TTLL9: variants seen among roughly 807,000 people sequenced by gnomAD.
TTLL9 encodes the protein probable tubulin polyglutamylase TTLL9.
In TTLL9, 47 loss-of-function variants were observed where a neutral mutation model predicts 65.6. That is an observed-to-expected ratio of 0.72 (90% CI 0.57 to 0.91). TTLL9 has a LOEUF of 0.91. TTLL9 is among the 40% of genes least tolerant of loss of function. The pLI is 0.00. For missense variants in TTLL9, 537 were observed against 568.8 expected, an observed-to-expected ratio of 0.94 and a Z score of 0.57; for synonymous variants, 179 against 204.8, an observed-to-expected ratio of 0.87 and a Z score of 1.07.
chr20:31,887,387 T>TGGTAAGTGCTCA, intron 3 of TTLL9, 148 bp downstream of exon 3: 1 of 918,778 alleles, frequency 1.1e-6, no homozygotes, highest in Non-Finnish European at 1.7e-6. Flanking sequence ...ATTGAGCACT[T>TGGTAAGTGCTCA]ACCATGTGCC....
At chr20:31,903,716 T>C (rs1385823422) in intron 4 of TTLL9, among the ~76,000 whole-genome samples, 3 of 152,270 alleles carry the variant, frequency 2.0e-5, no homozygotes, top group Non-Finnish European at 4.4e-5. Context: ...GAAATAACTT[T>C]AGACCTACAG....
chr20:31,939,463 T>C lies in TTLL9; in HGVS notation c.1243+197T>C, dbSNP rs146805059. ...GTTTCTAAAAAGTGAAAACTTTCCCTGATTATAAAAAAGGGATTCACACTC... is the reference window on the plus strand; with the variant it reads ...GTTTCTAAAAAGTGAAAACTTTCCCCGATTATAAAAAAGGGATTCACACTC... On this transcript the variant is annotated intron_variant, in intron 14 of 14. Transcript: ENST00000535842. 1,103 of 513,018 alleles carry C rather than the reference T, an allele frequency of 2.2e-3. 12 individuals are homozygous for C. Among genetic ancestry groups the C allele is most frequent in the African/African-American group, 0.02 (995 of 49,892 alleles). 31.8% of individuals were successfully genotyped at this position (513,018 alleles called of 1,614,324 possible). A position where few individuals can be genotyped will look rare whatever the true frequency, so the allele number is the denominator to read the frequency against.
chr20:31,875,139 G>A (rs2063019812), intron 2 of TTLL9, among the ~76,000 whole-genome samples: 1 of 152,140 alleles, frequency 6.6e-6, no homozygotes, highest in African/African-American at 2.4e-5. Flanking sequence ...TGGCACACAA[G>A]GAGGCCTTGT....
chr20:31,890,264 T>A (rs1188775086), intron 3 of TTLL9, among the ~76,000 whole-genome samples: 1 of 150,756 alleles, frequency 6.6e-6, no homozygotes, highest in Non-Finnish European at 1.5e-5. Context: ...AGTCTTATGT[T>A]TCTATCTTAT....
intron 11 of TTLL9, 82 bp downstream of exon 11, chr20:31,933,940 C>A: frequency 7.1e-7 from 1 of 1,400,438 alleles, no homozygotes. Flanking sequence ...GGCAAGGAGC[C>A]CAGGACAGGC....
Position 31,887,205 on chromosome 20 carries a change from T to C in TTLL9, c.79T>C (p.Tyr27His). The change falls in exon 3 of 15, where the codon TAC (tyrosine) becomes CAC (histidine). Residue 27 changes from tyrosine to histidine, a missense_variant. By Grantham distance (83) the Tyr-to-His change is moderately conservative. Coordinates refer to ENST00000535842, the MANE Select transcript of TTLL9 (RefSeq NM_001008409.5). ...CCTTTCCTCATTGCAGAACCAAAAT[T>C]ACAAGGGCCATGGATTGTCAAAGGG... ...RCPKKLQNQN[Y>H]KGHGLSKGKE... is the part of the protein sequence containing the mutation. 6.2e-7 allele frequency: 1 copy of C among 1,614,132 alleles called. No homozygotes were observed.
intron 10 of TTLL9, among the ~76,000 whole-genome samples, chr20:31,932,329 G>A (rs554104245): frequency 2.0e-5 from 3 of 152,022 alleles, no homozygotes; most frequent in African/African-American, 2.4e-5. Context: ...AAAACTAGCC[G>A]GGCATGATGG....
intron 2 of TTLL9, among the ~76,000 whole-genome samples, chr20:31,871,696 T>A (rs1294852365): frequency 3.3e-5 from 5 of 152,140 alleles, no homozygotes; most frequent in African/African-American, 1.2e-4. Flanking sequence ...AGAGTTCTCA[T>A]AAATACCAAA....
At chr20:31,874,690 G>A (rs1053476111) in intron 2 of TTLL9, among the ~76,000 whole-genome samples, 3 of 152,128 alleles carry the variant, frequency 2.0e-5, no homozygotes, top group East Asian at 1.9e-4. Context: ...GATTACAGGC[G>A]TGAGCCACCG....
intron 10 of TTLL9, among the ~76,000 whole-genome samples, chr20:31,928,463 C>T (rs11906212): frequency 0.073 from 11,044 of 151,430 alleles, 422 homozygotes; most frequent in Middle Eastern, 0.21. Flanking sequence ...AATTTTGGAT[C>T]ACAAAATAAT....
At chr20:31,883,580 G>A (rs1039399946) in intron 2 of TTLL9, among the ~76,000 whole-genome samples, 2 of 152,088 alleles carry the variant, frequency 1.3e-5, no homozygotes, top group Non-Finnish European at 2.9e-5. Context: ...GTTCTTGGGG[G>A]CCCAGGCAGA....
rs900564955 is a variant in TTLL9 at position 31,939,176 on chromosome 20, G to T, written c.1153G>T (p.Asp385Tyr). 1.2e-6 allele frequency: 2 copies of T among 1,608,818 alleles called. No homozygotes were observed. Among genetic ancestry groups the T allele is most frequent in the Non-Finnish European group, 8.5e-7 (1 of 1,177,634 alleles). The part of the protein sequence containing the change: ...TGREKRVGGF[D>Y]LMWNDGPVSR... ...AAGGGAGAAGCGAGTCGGGGGCTTT[G>T]ACCTCATGTGGAATGATGGCCCTGT... is the stretch of plus-strand genomic sequence containing the variant. The change falls in exon 14 of 15, where the codon GAC becomes TAC. Residue 385 changes from aspartate (D) to tyrosine (Y), a missense_variant. Around this residue, in one of 3 missense-constraint regions of TTLL9, gnomAD observed 205 missense variants for 225.9 expected, o/e 0.91. Transcript: ENST00000535842.
In TTLL9 at chr20:31,931,149, G is replaced by A. The variant is rs1225903036; in HGVS notation, c.749-2651G>A. Among the ~76,000 whole-genome samples the A allele has an allele frequency of 4.8e-5, 7 of 145,206 alleles. No individual in the cohort carries two copies. The South Asian group carries it at 6.5e-4, about 13-fold the overall frequency. ...GGCTGGAGTGCAGTGGCACAATCACGGTTCACTACAGCCTCCATCTCCTGG... is the reference window on the plus strand; with the variant it reads ...GGCTGGAGTGCAGTGGCACAATCACAGTTCACTACAGCCTCCATCTCCTGG... On this transcript the variant is annotated intron_variant, in intron 10 of 14. Coordinates refer to ENST00000535842, the MANE Select transcript of TTLL9 (RefSeq NM_001008409.5).
rs1233559934 is a variant in TTLL9 at position 31,934,741 on chromosome 20, A to G, written c.857A>G (p.His286Arg). ...TTCCGGCAGTACCTGGCGTCCAAAC[A>G]CGGGCCCGAGGCAGTGGAGACACTC... ...QRFRQYLASK[H>R]GPEAVETLFR... The change falls in exon 12 of 15, where the codon CAC (histidine) becomes CGC (arginine). Residue 286 changes from histidine (H) to arginine (R), a missense_variant. Around this residue, in one of 3 missense-constraint regions of TTLL9, gnomAD observed 205 missense variants for 225.9 expected, o/e 0.91. Transcript: ENST00000535842. 1 of 1,612,664 alleles carries G rather than the reference A, an allele frequency of 6.2e-7. No individual in the cohort carries two copies. Among genetic ancestry groups the G allele is most frequent in the Non-Finnish European group, 8.5e-7 (1 of 1,179,918 alleles).
intron 6 of TTLL9, among the ~76,000 whole-genome samples, 153 bp from the exon 7 acceptor site, chr20:31,919,711 T>G (rs891373069): frequency 2.6e-5 from 4 of 152,140 alleles, no homozygotes; most frequent in Non-Finnish European, 4.4e-5. Context: ...GCACCTTCTC[T>G]GTTCCAGCCC....
At chr20:31,937,077 G>A (rs1436510362) in intron 12 of TTLL9, among the ~76,000 whole-genome samples, 1 of 132,214 alleles carries the variant, frequency 7.6e-6, no homozygotes, top group Non-Finnish European at 1.5e-5. Flanking sequence ...CAGCCTGGGC[G>A]ACAAGAGCAA....
At chr20:31,879,703 G>T in intron 2 of TTLL9, 1 of 981,798 alleles carries the variant, frequency 1.0e-6, no homozygotes, top group Non-Finnish European at 1.5e-6. Context: ...CTGCCAGGAC[G>T]CCCAATAGCC....
At chr20:31,887,511 A>G (rs1319169502) in intron 3 of TTLL9, among the ~76,000 whole-genome samples, 2 of 152,204 alleles carry the variant, frequency 1.3e-5, no homozygotes, top group Non-Finnish European at 2.9e-5. Flanking sequence ...GAAGCTCAAA[A>G]AGGCTAAGTG....
At chr20:31,939,027 G>A in intron 13 of TTLL9, 115 bp from the exon 14 acceptor site, 1 of 1,253,394 alleles carries the variant, frequency 8.0e-7, no homozygotes, top group Non-Finnish European at 1.1e-6. Context: ...TGGGAAAAAG[G>A]ACTTCTGAGG....
Sources: gnomAD v4.1 joint callset for allele counts (sites outside exome capture counted in the v4.1 genomes callset) on GRCh38, gnomAD v4.1.1 for gene constraint, gnomAD v4.1.1 regional missense constraint, MANE v1.5 for transcripts, NCBI Gene and HGNC (gene_info 2026-07-23, HGNC 2026-07-21) for gene names.